Variants in OTOG observed in about 807,000 individuals in gnomAD.
OTOG encodes otogelin.
In OTOG, 296 loss-of-function variants were observed where a neutral mutation model predicts 313.8. The ratio of observed to expected loss-of-function variants is 0.94; its 90% CI spans 0.86 to 1.04. The LOEUF is 1.04. Ranked by LOEUF, OTOG falls within the 50% of genes least tolerant of loss-of-function variation. OTOG has a pLI of 0.00. For missense variants in OTOG, 3,948 were observed against 3,840.1 expected, an observed-to-expected ratio of 1.03 and a Z score of -0.74; for synonymous variants, 1,533 against 1,554.9, an observed-to-expected ratio of 0.99 and a Z score of 0.33.
At chr11:17,640,150 A>G (rs934892930) in intron 49 of OTOG, among the ~76,000 whole-genome samples, 1 of 152,170 alleles carries the variant, frequency 6.6e-6, no homozygotes, top group African/African-American at 2.4e-5. Flanking sequence ...AATGCCAGGA[A>G]CTTTCCTGGG....
intron 24 of OTOG, among the ~76,000 whole-genome samples, chr11:17,587,808 G>A (rs1292366680): frequency 6.6e-6 from 1 of 152,136 alleles, no homozygotes; most frequent in Non-Finnish European, 1.5e-5. Context: ...TTTTGTGACT[G>A]TGGTGAGCCA....
In OTOG at chr11:17,602,283, C is replaced by A. The variant is rs1236052929; in HGVS notation, c.3783C>A (p.Gly1261=). The change falls in exon 32 of 56, where the codon GGC becomes GGA. Residue 1261 remains glycine (G), a synonymous_variant. Transcript: ENST00000399397. ...CTCTGGTGGGCATGAAGGCGGTGGG[C>A]GATGACATAGTCCTAGTGAGGACAG... ...GGALVGMKAV[G]DDIVLVRTED... is the part of the protein sequence containing the mutation. The A allele has an allele frequency of 1.9e-6, 3 of 1,550,596 alleles. No homozygotes were observed. The highest frequency in any genetic ancestry group is 2.6e-6 in the Non-Finnish European group (3 of 1,146,974).
chr11:17,573,304 C>A lies in OTOG; in HGVS notation c.2293+14C>A, dbSNP rs953401853. The A allele has an allele frequency of 1.3e-6, 2 of 1,509,308 alleles. No homozygotes were observed. Among genetic ancestry groups the A allele is most frequent in the Non-Finnish European group, 1.8e-6 (2 of 1,129,704 alleles). The allele number at this position is 1,509,308 out of a possible 1,614,324, so 93.5% of individuals were successfully genotyped here. On this transcript the variant is annotated intron_variant, in intron 19 of 55. Transcript: ENST00000399397. ...TGCCAGCCTGTGGTGAGTGCCCCAC[C>A]CATGTGAGGCTGAGCTGGAGGAGCC...
intron 15 of OTOG, among the ~76,000 whole-genome samples, chr11:17,566,516 C>G (rs550721551): frequency 6.1e-4 from 93 of 152,296 alleles, no homozygotes; most frequent in African/African-American, 2.2e-3. Flanking sequence ...CCATCTGTAT[C>G]TACATGTGCT....
chr11:17,611,347 C>G lies in OTOG; in HGVS notation c.6047C>G (p.Pro2016Arg), dbSNP rs1471118569. The change falls in exon 36 of 56, where the codon CCA becomes CGA. Residue 2016 changes from proline (P) to arginine (R), a missense_variant. By Grantham distance (103) the Pro-to-Arg change is moderately radical. Coordinates refer to ENST00000399397, the MANE Select transcript of OTOG (RefSeq NM_001292063.2). ...ACAGAACCATCTGGGCGCTCAGCCC[C>G]AGCCCTGAGCATCGTAGAGGGTTTG... The part of the protein sequence containing the change: ...ATTEPSGRSA[P>R]ALSIVEGLAE... 1 of 1,550,086 alleles carries G rather than the reference C, an allele frequency of 6.5e-7. No individual in the cohort carries two copies. Among genetic ancestry groups the G allele is most frequent in the East Asian group, 2.4e-5 (1 of 40,894 alleles).
chr11:17,640,793 G>A lies in OTOG; in HGVS notation c.7984G>A (p.Val2662Met), dbSNP rs754606982. The part of the protein sequence containing the change: ...DEEFMHSVEN[V>M]CGCAKYECVK... ...GGAGTTCATGCACAGCGTGGAGAAT[G>A]TGTGTGGCTGCGCCAAGTACGAGTG... is the stretch of plus-strand genomic sequence containing the variant. The change falls in exon 50 of 56, where the codon GTG becomes ATG. Residue 2662 changes from valine to methionine, a missense_variant. Physicochemically the swap from Val to Met is conservative, Grantham distance 21. Coordinates refer to ENST00000399397, the MANE Select transcript of OTOG (RefSeq NM_001292063.2). 7 of 1,550,202 alleles carry A rather than the reference G, an allele frequency of 4.5e-6. No individual in the cohort carries two copies. Among genetic ancestry groups the A allele is most frequent in the Non-Finnish European group, 6.1e-6 (7 of 1,147,020 alleles).
rs1332508001 is a variant in OTOG at position 17,612,320 on chromosome 11, G to A, written c.6282G>A (p.Trp2094Ter). 3 of 1,534,438 alleles carry A rather than the reference G, an allele frequency of 2.0e-6. No individual in the cohort carries two copies. Among genetic ancestry groups the A allele is most frequent in the Non-Finnish European group, 2.6e-6 (3 of 1,144,344 alleles). The change falls in exon 37 of 56, where the codon TGG (tryptophan) becomes TGA (stop). Residue 2094 changes from tryptophan to a stop codon, truncating the protein, a stop_gained. Coordinates refer to ENST00000399397, the MANE Select transcript of OTOG (RefSeq NM_001292063.2). LOFTEE classifies it high-confidence loss of function. ...RVGGDRCCPL[W>*]ECACRCSIFP... The stretch of plus-strand genomic sequence containing the variant: ...GTGGGGACCGCTGCTGCCCACTCTG[G>A]GAGTGTGCCTGTGAGTCATGGGATC...
In OTOG at chr11:17,635,192, G is replaced by A; in HGVS notation, c.7693+5G>A. The A allele has an allele frequency of 9.1e-6, 14 of 1,537,990 alleles. No homozygotes were observed. Among genetic ancestry groups the A allele is most frequent in the Admixed American group, 2.0e-5 (1 of 50,690 alleles). On this transcript the variant is annotated splice_donor_5th_base_variant and intron_variant, in intron 46 of 55. Transcript: ENST00000399397. Reference sequence around the variant, plus strand: ...GCTGCACCTCCTACTTCTGCGGTGGGTCGCCGCCACCAGACGCCAGCGCAC... The same window carrying A: ...GCTGCACCTCCTACTTCTGCGGTGGATCGCCGCCACCAGACGCCAGCGCAC...
Position 17,609,879 on chromosome 11 carries a change from C to T in OTOG, c.4579C>T (p.Gln1527Ter). The change falls in exon 36 of 56, where the codon CAG becomes TAG. Residue 1527 changes from glutamine (Q) to a stop codon, truncating the protein, a stop_gained. Coordinates refer to ENST00000399397, the MANE Select transcript of OTOG (RefSeq NM_001292063.2). LOFTEE classifies it high-confidence loss of function. The part of the protein sequence containing the change: ...EEPVVSPGPT[Q>*]TTLQQPLELT... ...GCCAGTGGTGTCTCCAGGCCCCACC[C>T]AGACCACCCTGCAGCAGCCACTGGA... 1.3e-6 allele frequency: 2 copies of T among 1,514,460 alleles called. No homozygotes were observed. Among genetic ancestry groups the T allele is most frequent in the South Asian group, 1.3e-5 (1 of 78,126 alleles). The allele number at this position is 1,514,460 out of a possible 1,614,324, so 93.8% of individuals were successfully genotyped here. A position where few individuals can be genotyped will look rare whatever the true frequency, so the allele number is the denominator to read the frequency against.
chr11:17,606,561 A>G (rs1461386956), intron 33 of OTOG, among the ~76,000 whole-genome samples: 3 of 152,138 alleles, frequency 2.0e-5, no homozygotes, highest in Admixed American at 1.3e-4. Flanking sequence ...TCCTCTCTCA[A>G]TGGAAGGCCC....
At chr11:17,557,730 A>T (rs995274125) in intron 8 of OTOG, among the ~76,000 whole-genome samples, 4 of 152,136 alleles carry the variant, frequency 2.6e-5, no homozygotes, top group African/African-American at 9.7e-5. Flanking sequence ...GGGCCAAATC[A>T]TGGTGGCTCT....
At chr11:17,633,944 G>A in intron 43 of OTOG, 70 bp downstream of exon 43, 2 of 1,482,622 alleles carry the variant, frequency 1.3e-6, no homozygotes, top group Non-Finnish European at 9.0e-7. Context: ...GCTGTCCACA[G>A]CTGAGTCCCA....
At chr11:17,613,200 TTTCTTTCTTTCTTTCTTTCTTTCTTTC>T (rs1853619972) in intron 38 of OTOG, among the ~76,000 whole-genome samples, 1 of 65,828 alleles carries the variant, frequency 1.5e-5, no homozygotes, top group Admixed American at 1.5e-4. Context: ...CTTTCTTTTC[TTTCTTTCTTTCTTTCTTTCTTTCTTTC>T]TTTCTTTCTT....
chr11:17,625,087 T>A (rs1242254568), intron 39 of OTOG, among the ~76,000 whole-genome samples: 2 of 152,180 alleles, frequency 1.3e-5, no homozygotes, highest in African/African-American at 4.8e-5. Context: ...AGATATAGGA[T>A]CATGTTGTCT....
At position 17,547,470 on chromosome 11, in the gene OTOG, A is replaced by G; in HGVS notation, c.94+4A>G. The stretch of plus-strand genomic sequence containing the variant: ...TCCCTGCGGGTGCAGCGCCTCGGTG[A>G]GAGGGTTGTGGACTCAGGGAGGTCG... On this transcript the variant is annotated splice_donor_region_variant and intron_variant, in intron 1 of 55. Transcript: ENST00000399397. 1.5e-6 allele frequency: 2 copies of G among 1,368,958 alleles called. No individual in the cohort carries two copies. The highest frequency in any genetic ancestry group is 1.9e-6 in the Non-Finnish European group (2 of 1,065,376). The allele number at this position is 1,368,958 out of a possible 1,614,324, so 84.8% of individuals were successfully genotyped here.
chr11:17,580,599 G>A (rs547759558), intron 23 of OTOG, among the ~76,000 whole-genome samples: 1 of 152,362 alleles, frequency 6.6e-6, no homozygotes, highest in African/African-American at 2.4e-5. Context: ...AGAGCAAGGA[G>A]GGAGTAATGG....
chr11:17,574,126 C>A (rs188506863), intron 19 of OTOG, among the ~76,000 whole-genome samples: 2 of 152,296 alleles, frequency 1.3e-5, no homozygotes, highest in Non-Finnish European at 2.9e-5. Flanking sequence ...AACAGCTGAA[C>A]TGGATGGTCT....
chr11:17,574,915 G>C lies in OTOG; in HGVS notation c.2486+3G>C. 1 of 1,496,726 alleles carries C rather than the reference G, an allele frequency of 6.7e-7. No homozygotes were observed. The highest frequency in any genetic ancestry group is 2.5e-5 in the East Asian group (1 of 39,568). 92.7% of individuals were successfully genotyped at this position (1,496,726 alleles called of 1,614,324 possible). On this transcript the variant is annotated splice_donor_region_variant and intron_variant, in intron 20 of 55. Transcript: ENST00000399397. ...CAGGCTGACCTCTGTGTCCCCCGGTGAGTGGGTCAGCTTGATCTCTGAGTT... is the reference window on the plus strand; with the variant it reads ...CAGGCTGACCTCTGTGTCCCCCGGTCAGTGGGTCAGCTTGATCTCTGAGTT...
At chr11:17,554,370 G>C (rs1852010039) in intron 6 of OTOG, among the ~76,000 whole-genome samples, 1 of 152,332 alleles carries the variant, frequency 6.6e-6, no homozygotes, top group Admixed American at 6.5e-5. Flanking sequence ...TGCCTGGATT[G>C]GTGCTCAGTA....
Sources: gnomAD v4.1 joint callset for allele counts (sites outside exome capture counted in the v4.1 genomes callset) on GRCh38, gnomAD v4.1.1 for gene constraint, MANE v1.5 for transcripts, NCBI Gene and HGNC (gene_info 2026-07-23, HGNC 2026-07-21) for gene names.